The following NOS1 variants were observed in gnomAD, a reference collection of about 807,000 sequenced individuals.
NOS1 encodes the protein NOS type I.
NOS1 carries 51 observed loss-of-function variants against 164.5 expected under a neutral mutation model. That is an observed-to-expected ratio of 0.31 (90% CI 0.25 to 0.39). The LOEUF is 0.39. NOS1 is among the 10% of genes least tolerant of loss of function. NOS1 has a pLI of 1.00. For synonymous variants in NOS1, 719 were observed against 745.8 expected, an observed-to-expected ratio of 0.96 and a Z score of 0.59; for missense variants, 1,362 against 1,885.6, an observed-to-expected ratio of 0.72 and a Z score of 5.14.
In NOS1 at chr12:117,209,142, G is replaced by A. The variant is rs568580580; in HGVS notation, c.*6167C>T. 1.2e-4 allele frequency: 114 copies of A among 985,360 alleles called. No individual in the cohort carries two copies. Among genetic ancestry groups the A allele is most frequent in the Non-Finnish European group, 1.3e-4 (112 of 829,934 alleles). 61.0% of individuals were successfully genotyped at this position (985,360 alleles called of 1,614,324 possible). The stretch of plus-strand genomic sequence containing the variant: ...CTGGGCTAGGCAAAGTTTCTGCTGC[G>A]TGCTCCAGGAAATCTATAATGAGAA... On this transcript the variant is annotated 3_prime_UTR_variant, in exon 29 of 29. Coordinates refer to ENST00000317775, the MANE Select transcript of NOS1 (RefSeq NM_000620.5).
At chr12:117,247,299 G>T in intron 18 of NOS1, 49 bp downstream of exon 18, 1 of 1,457,434 alleles carries the variant, frequency 6.9e-7, no homozygotes, top group South Asian at 1.3e-5. Flanking sequence ...TGTCTTTGGG[G>T]GTGTGGGGAG....
Position 117,208,625 on chromosome 12 carries a change from A to C in NOS1, c.*6684T>G. On this transcript the variant is annotated 3_prime_UTR_variant, in exon 29 of 29. Transcript: ENST00000317775. ...AGGACATGGGAGGGGACTGAGACCC[A>C]GCTCAAGAGCACTGGATCTCAGTGA... 2 of 1,164,344 alleles carry C rather than the reference A, an allele frequency of 1.7e-6. No individual in the cohort carries two copies. The highest frequency in any genetic ancestry group is 1.1e-6 in the Non-Finnish European group (1 of 928,184). 72.1% of individuals were successfully genotyped at this position (1,164,344 alleles called of 1,614,324 possible).
intron 7 of NOS1, among the ~76,000 whole-genome samples, chr12:117,282,103 G>A (rs1873723038): frequency 1.3e-5 from 2 of 152,070 alleles, no homozygotes; most frequent in African/African-American, 4.8e-5. Context: ...TCTGCTGAAG[G>A]TCCTAGCTGG....
intron 22 of NOS1, among the ~76,000 whole-genome samples, chr12:117,229,573 T>TATC (rs1213271872): frequency 1.3e-5 from 2 of 151,504 alleles, no homozygotes; most frequent in Non-Finnish European, 1.5e-5. Context: ...TCTATCTATC[T>TATC]ATCTATCTAT....
rs553034127 is a variant in NOS1, at chr12:117,326,000, C to A, written c.725+4345G>T. Among the ~76,000 whole-genome samples, 351 of 152,218 alleles carry A rather than the reference C, an allele frequency of 2.3e-3. 3 individuals are homozygous for A. Among genetic ancestry groups the A allele is most frequent in the African/African-American group, 7.8e-3 (323 of 41,492 alleles). ...TGCGAGTAGCACTTCTAACTGGATC[C>A]ATGAATTAGCATCCAGTTAGTAAAG... On this transcript the variant is annotated intron_variant, in intron 2 of 28. Coordinates refer to ENST00000317775, the MANE Select transcript of NOS1 (RefSeq NM_000620.5).
intron 20 of NOS1, among the ~76,000 whole-genome samples, chr12:117,241,698 T>C (rs1301185970): frequency 6.6e-6 from 1 of 152,166 alleles, no homozygotes; most frequent in Non-Finnish European, 1.5e-5. Context: ...GGTGTGATCA[T>C]TTTGAGAAGA....
intron 9 of NOS1, among the ~76,000 whole-genome samples, chr12:117,277,484 T>C (rs1873281798): frequency 6.6e-6 from 1 of 151,804 alleles, no homozygotes; most frequent in Admixed American, 6.6e-5. Flanking sequence ...TCCCAGCTAC[T>C]TGCAGGGGTT....
chr12:117,301,960 G>A, intron 3 of NOS1: 1 of 456,700 alleles, frequency 2.2e-6, no homozygotes. Flanking sequence ...GCCAGGCCCT[G>A]TAGAGTGGGC....
intron 1 of NOS1, among the ~76,000 whole-genome samples, chr12:117,336,673 G>C (rs1367718455): frequency 6.6e-6 from 1 of 152,088 alleles, no homozygotes; most frequent in Admixed American, 6.5e-5. Context: ...ACAAAGACTA[G>C]TATGAGAAAA....
At chr12:117,253,892 T>C in intron 16 of NOS1, 138 bp from the exon 17 acceptor site, 1 of 638,294 alleles carries the variant, frequency 1.6e-6, no homozygotes, top group Non-Finnish European at 2.8e-6. Context: ...AACACTCCCA[T>C]GGCCTCTTCT....
intron 9 of NOS1, among the ~76,000 whole-genome samples, chr12:117,274,024 A>T (rs1412004774): frequency 6.6e-6 from 1 of 152,234 alleles, no homozygotes; most frequent in Non-Finnish European, 1.5e-5. Context: ...CAGAGTGAAA[A>T]GACAACCTAA....
At chr12:117,233,034 CTTTTTT>C (rs34474757) in intron 21 of NOS1, among the ~76,000 whole-genome samples, 1 of 88,366 alleles carries the variant, frequency 1.1e-5, no homozygotes, top group Non-Finnish European at 2.0e-5. Context: ...TGCCTCACTA[CTTTTTT>C]TTTTTTTTTT....
At chr12:117,293,606 T>C (rs928370946) in intron 3 of NOS1, among the ~76,000 whole-genome samples, 1 of 152,092 alleles carries the variant, frequency 6.6e-6, no homozygotes. Context: ...GAAGTATTTC[T>C]TGTAGTACTG....
chr12:117,351,365 C>T (rs889342349), intron 1 of NOS1, among the ~76,000 whole-genome samples: 5 of 152,186 alleles, frequency 3.3e-5, no homozygotes, highest in South Asian at 2.1e-4. Context: ...GTAACACTGT[C>T]GCTTCCCCCT....
intron 16 of NOS1, among the ~76,000 whole-genome samples, chr12:117,255,197 T>C (rs901972475): frequency 6.6e-6 from 1 of 151,836 alleles, no homozygotes; most frequent in African/African-American, 2.4e-5. Flanking sequence ...ACCTTGATAT[T>C]AAAAAAAATC....
intron 11 of NOS1, 43 bp from the exon 12 acceptor site, chr12:117,265,553 T>C (rs1171982995): frequency 1.5e-6 from 2 of 1,376,546 alleles, no homozygotes; most frequent in Non-Finnish European, 1.9e-6. Context: ...TATGAGAAGC[T>C]GGGGTATTTT....
At position 117,323,948 on chromosome 12, in the gene NOS1, A is replaced by AT. The variant is rs71444618; in HGVS notation, c.725+6396dup. 2.3e-3 allele frequency among the ~76,000 whole-genome samples: 327 copies of AT among 143,862 alleles called. No homozygotes were observed. In the East Asian group the frequency reaches 0.023, roughly 10 times the overall value. The allele number at this position is 143,862 out of a possible 152,430, so 94.4% of individuals were successfully genotyped here. On this transcript the variant is annotated intron_variant, in intron 2 of 28. Transcript: ENST00000317775. ...AGGCACGCACCACCACGTCTGGCTA[A>AT]TTTTTTTTTTTTTTTATATTTAGCA...
intron 2 of NOS1, among the ~76,000 whole-genome samples, chr12:117,316,474 C>A (rs1874675042): frequency 1.3e-5 from 2 of 152,202 alleles, no homozygotes; most frequent in African/African-American, 4.8e-5. Context: ...CTGCTGAGAG[C>A]CAACTCCTAC....
rs374624831 is a variant in NOS1 at position 117,213,386 on chromosome 12, T to G, written c.*1923A>C. 1.0e-6 allele frequency: 1 copy of G among 985,474 alleles called. No homozygotes were observed. The highest frequency in any genetic ancestry group is 1.7e-5 in the African/African-American group (1 of 57,360). 61.0% of individuals were successfully genotyped at this position (985,474 alleles called of 1,614,324 possible). ...GGGTGAGTGTGGGATGCTAAGTGTT[T>G]GTTCTTTATATCTGTGGAAGAGTGA... On this transcript the variant is annotated 3_prime_UTR_variant, in exon 29 of 29. Transcript: ENST00000317775.
Sources: gnomAD v4.1 joint callset for allele counts (sites outside exome capture counted in the v4.1 genomes callset) on GRCh38, gnomAD v4.1.1 for gene constraint, MANE v1.5 for transcripts, NCBI Gene and HGNC (gene_info 2026-07-23, HGNC 2026-07-21) for gene names.